CTTNBP2NL: variants seen among roughly 807,000 people sequenced by gnomAD.
The protein encoded by CTTNBP2NL is CTTNBP2 N-terminal like.
Under a neutral mutation model 32.5 loss-of-function variants are expected in CTTNBP2NL, and 16 were observed. The observed-to-expected ratio is 0.49, with a 90% confidence interval of 0.33 to 0.75. The LOEUF (loss-of-function observed/expected upper bound fraction) is 0.75. Ranked by LOEUF, CTTNBP2NL falls within the 30% of genes least tolerant of loss-of-function variation. CTTNBP2NL has a pLI of 0.02. For missense variants in CTTNBP2NL, 645 were observed against 756.0 expected, an observed-to-expected ratio of 0.85 and a Z score of 1.72; for synonymous variants, 298 against 289.4, an observed-to-expected ratio of 1.03 and a Z score of -0.30.
chr1:112,423,177 T>C (rs2101008289), intron 3 of CTTNBP2NL, among the ~76,000 whole-genome samples: 1 of 152,298 alleles, frequency 6.6e-6, no homozygotes, highest in Non-Finnish European at 1.5e-5. Context: ...TTATTTAGTT[T>C]TGAGAGTTTC....
intron 3 of CTTNBP2NL, among the ~76,000 whole-genome samples, chr1:112,442,835 C>T (rs182232955): frequency 0.011 from 1,670 of 152,174 alleles, 43 homozygotes; most frequent in African/African-American, 0.038. Context: ...GGATTACAGG[C>T]GCCCACCACC....
intron 3 of CTTNBP2NL, among the ~76,000 whole-genome samples, chr1:112,423,859 G>T (rs1317696093): frequency 6.6e-6 from 1 of 152,182 alleles, no homozygotes; most frequent in Non-Finnish European, 1.5e-5. Flanking sequence ...AAGTAGCTGG[G>T]ATTACAGGCA....
Position 112,423,375 on chromosome 1 carries a change from C to T in CTTNBP2NL, c.99+7111C>T, listed in dbSNP as rs562865242. On this transcript the variant is annotated intron_variant, in intron 3 of 5. Transcript: ENST00000271277. ...GTAGATTTTAAATGTTCTCACTACA[C>T]AAAAATGATAAGTATGTAAGATCAT... Among the ~76,000 whole-genome samples, 40 of 152,142 alleles carry T rather than the reference C, an allele frequency of 2.6e-4. No individual in the cohort carries two copies. In the South Asian group the frequency reaches 8.3e-3, roughly 32 times the overall value.
chr1:112,436,656 C>CT (rs33985347), intron 3 of CTTNBP2NL, among the ~76,000 whole-genome samples: 1 of 150,646 alleles, frequency 6.6e-6, no homozygotes, highest in African/African-American at 2.4e-5. Context: ...CTTTAGTACA[C>CT]TTTTTTTTTT....
intron 3 of CTTNBP2NL, among the ~76,000 whole-genome samples, chr1:112,433,283 T>C (rs1649627535): frequency 6.6e-6 from 1 of 152,154 alleles, no homozygotes; most frequent in African/African-American, 2.4e-5. Context: ...TGTGCGTGCA[T>C]GCGTGCGTTT....
At chr1:112,394,254 C>T (rs1435618875), upstream of CTTNBP2NL, among the ~76,000 whole-genome samples, 1 of 150,868 alleles carries the variant, frequency 6.6e-6, no homozygotes, top group African/African-American at 2.4e-5. Flanking sequence ...AGCTGATTCA[C>T]TAGAACAACT....
At chr1:112,409,707 C>T (rs1309167954) in intron 1 of CTTNBP2NL, among the ~76,000 whole-genome samples, 1 of 152,158 alleles carries the variant, frequency 6.6e-6, no homozygotes, top group African/African-American at 2.4e-5. Flanking sequence ...GGTAAAATGG[C>T]AGCAGCAATG....
intron 1 of CTTNBP2NL, among the ~76,000 whole-genome samples, chr1:112,400,682 C>T (rs940890036): frequency 7.9e-5 from 12 of 152,182 alleles, no homozygotes; most frequent in Admixed American, 4.6e-4. Context: ...ATCCCAGCTA[C>T]TCCGGAGGCT....
intron 2 of CTTNBP2NL, among the ~76,000 whole-genome samples, chr1:112,414,350 T>TA (rs1283154741): frequency 1.2e-4 from 19 of 152,016 alleles, no homozygotes; most frequent in African/African-American, 4.4e-4. Context: ...GGCAACTGAG[T>TA]GAGACTCCAT....
chr1:112,406,648 T>C lies in CTTNBP2NL; in HGVS notation c.-133-5546T>C, dbSNP rs559789318. ...ACACTGTCTGGCATACATTAATGTT[T>C]AGCTCAATAAATGTTTATCTTTTTT... On this transcript the variant is annotated intron_variant, in intron 1 of 5. Coordinates refer to ENST00000271277, the MANE Select transcript of CTTNBP2NL (RefSeq NM_018704.3). Among the ~76,000 whole-genome samples the C allele has an allele frequency of 1.4e-4, 22 of 152,364 alleles. No homozygotes were observed. The South Asian group carries it at 4.3e-3, about 30-fold the overall frequency.
intron 3 of CTTNBP2NL, among the ~76,000 whole-genome samples, chr1:112,430,695 A>T (rs1488144904): frequency 1.3e-5 from 2 of 152,028 alleles, no homozygotes; most frequent in South Asian, 4.1e-4. Flanking sequence ...CTGGGACTAC[A>T]GGTGCGTGCC....
intron 3 of CTTNBP2NL, among the ~76,000 whole-genome samples, chr1:112,419,268 T>TA (rs1166880639): frequency 6.6e-6 from 1 of 152,216 alleles, no homozygotes; most frequent in African/African-American, 2.4e-5. Context: ...GATTATGTAA[T>TA]ACATCATTCT....
intron 1 of CTTNBP2NL, among the ~76,000 whole-genome samples, chr1:112,407,185 A>G (rs537779801): frequency 3.4e-4 from 52 of 152,348 alleles, no homozygotes; most frequent in African/African-American, 1.0e-3. Context: ...TAGTGCTGTC[A>G]TGGTAAGAGG....
In CTTNBP2NL at chr1:112,454,444, T is replaced by C; in HGVS notation, c.331-5T>C. On this transcript the variant is annotated splice_region_variant and splice_polypyrimidine_tract_variant and intron_variant, in intron 4 of 5. Coordinates refer to ENST00000271277, the MANE Select transcript of CTTNBP2NL (RefSeq NM_018704.3). Reference sequence around the variant, plus strand: ...TGAAAATGAAATTTAAAAAATTCTTTAAAGGTGATCCTAGACCTTGAGGAA... The same window carrying C: ...TGAAAATGAAATTTAAAAAATTCTTCAAAGGTGATCCTAGACCTTGAGGAA... 3.1e-6 allele frequency: 5 copies of C among 1,608,366 alleles called. No homozygotes were observed. Among genetic ancestry groups the C allele is most frequent in the Non-Finnish European group, 4.3e-6 (5 of 1,176,336 alleles).
intron 3 of CTTNBP2NL, among the ~76,000 whole-genome samples, chr1:112,422,772 A>G (rs1017308618): frequency 2.0e-5 from 3 of 151,830 alleles, no homozygotes; most frequent in Non-Finnish European, 4.4e-5. Context: ...TGCTCTCTGT[A>G]TTATGTTTTT....
intron 3 of CTTNBP2NL, among the ~76,000 whole-genome samples, chr1:112,446,365 CAAACAAA>C (rs1261878539): frequency 2.0e-5 from 3 of 149,600 alleles, no homozygotes; most frequent in Non-Finnish European, 4.4e-5. Context: ...GACCCTGTCT[CAAACAAA>C]AAAGAAAAAA....
chr1:112,395,069 G>A (rs887538192), upstream of CTTNBP2NL, among the ~76,000 whole-genome samples: 4 of 152,188 alleles, frequency 2.6e-5, no homozygotes, highest in Non-Finnish European at 4.4e-5. Context: ...AACTGCATGA[G>A]GCAGGCTGCA....
intron 1 of CTTNBP2NL, among the ~76,000 whole-genome samples, chr1:112,401,234 G>C (rs1648490272): frequency 6.6e-6 from 1 of 152,144 alleles, no homozygotes; most frequent in Admixed American, 6.5e-5. Flanking sequence ...CCTGAATAGA[G>C]GGAAACAAAG....
chr1:112,411,157 G>C (rs1323636098), intron 1 of CTTNBP2NL, among the ~76,000 whole-genome samples: 2 of 152,138 alleles, frequency 1.3e-5, no homozygotes, highest in Non-Finnish European at 2.9e-5. Flanking sequence ...CCTAACTTGA[G>C]AGATCTGTAA....
Sources: allele counts gnomAD v4.1 joint callset (sites outside exome capture counted in the v4.1 genomes callset), GRCh38; gene constraint gnomAD v4.1.1; transcripts MANE v1.5; gene names NCBI Gene and HGNC (gene_info 2026-07-23, HGNC 2026-07-21).